The following BABAM2 variants were observed in gnomAD, a reference collection of about 807,000 sequenced individuals.
BABAM2 encodes BRISC and BRCA1 A complex member 2.
In BABAM2, 31 loss-of-function variants were observed where a neutral mutation model predicts 54.7. That is an observed-to-expected ratio of 0.57 (90% CI 0.43 to 0.77). The LOEUF is 0.77. Ranked by LOEUF, BABAM2 falls within the 30% of genes least tolerant of loss-of-function variation. BABAM2 has a pLI of 0.00. For missense variants in BABAM2, 364 were observed against 455.8 expected (o/e 0.80, Z 1.83); for synonymous variants, 167 against 162.9 (o/e 1.03, Z -0.19).
rs189671957 is a variant in BABAM2 at position 27,933,462 on chromosome 2, A to T, written c.205+3554A>T. On this transcript the variant is annotated intron_variant, in intron 3 of 11. Coordinates refer to ENST00000379624, the MANE Select transcript of BABAM2 (RefSeq NM_199191.3). Reference sequence around the variant, plus strand: ...AATTAGAAAGATGAGTTTTTTTTTTAAAAAACACATATATATGTATGTATA... The same window carrying T: ...AATTAGAAAGATGAGTTTTTTTTTTTAAAAACACATATATATGTATGTATA... Among the ~76,000 whole-genome samples, 860 of 151,392 alleles carry T rather than the reference A, an allele frequency of 5.7e-3. 4 individuals carry two copies. The highest frequency in any genetic ancestry group is 7.1e-3 in the South Asian group (34 of 4,802).
chr2:28,026,947 TTAATATATATAA>T (rs1558667966), intron 5 of BABAM2, among the ~76,000 whole-genome samples: 4 of 4,516 alleles, frequency 8.9e-4, no homozygotes, highest in African/African-American at 1.1e-3. Context: ...TAAATATATA[TTAATATATATAA>T]ATATATATAT....
chr2:28,112,151 C>CTTTCTTTTTCTT lies in BABAM2; in HGVS notation c.571-17119_571-17118insTTCTTTTTCTTT, dbSNP rs1261759583. 1.1e-3 allele frequency among the ~76,000 whole-genome samples: 22 copies of CTTTCTTTTTCTT among 19,620 alleles called. 8 individuals are homozygous for CTTTCTTTTTCTT. The highest frequency in any genetic ancestry group is 4.1e-3 in the African/African-American group (18 of 4,420). The allele number at this position is 19,620 out of a possible 152,430, so 12.9% of individuals were successfully genotyped here. On this transcript the variant is annotated intron_variant, in intron 6 of 11. Transcript: ENST00000379624. Reference sequence around the variant, plus strand: ...TTTCTTTCTTTCTTTCTTTCTTTACCTCCCTCCCTCCCTCCCTCCCTCCCT... The same window carrying CTTTCTTTTTCTT: ...TTTCTTTCTTTCTTTCTTTCTTTACCTTTCTTTTTCTTTCCCTCCCTCCCTCCCTCCCTCCCT...
intron 3 of BABAM2, among the ~76,000 whole-genome samples, chr2:27,965,746 G>A (rs1304144370): frequency 6.6e-6 from 1 of 152,094 alleles, no homozygotes; most frequent in Non-Finnish European, 1.5e-5. Flanking sequence ...TACTGATTGT[G>A]TGCACATTGC....
chr2:28,073,801 TAGTA>T (rs1234275845), intron 6 of BABAM2, among the ~76,000 whole-genome samples: 1 of 152,116 alleles, frequency 6.6e-6, no homozygotes, highest in Non-Finnish European at 1.5e-5. Flanking sequence ...TGGTGCTAGA[TAGTA>T]AGATTGTTTT....
chr2:28,078,685 C>T (rs1280897893), intron 6 of BABAM2, among the ~76,000 whole-genome samples: 1 of 152,026 alleles, frequency 6.6e-6, no homozygotes, highest in Non-Finnish European at 1.5e-5. Context: ...GGGGTGAGCA[C>T]ACTGAGGTGT....
intron 5 of BABAM2, among the ~76,000 whole-genome samples, chr2:28,037,315 T>C (rs1056409135): frequency 3.3e-5 from 5 of 152,160 alleles, no homozygotes; most frequent in Non-Finnish European, 7.4e-5. Flanking sequence ...TGGTAACGTA[T>C]ATTATGCACT....
At chr2:28,323,808 T>C (rs1184447876) in intron 11 of BABAM2, among the ~76,000 whole-genome samples, 1 of 152,190 alleles carries the variant, frequency 6.6e-6, no homozygotes, top group Non-Finnish European at 1.5e-5. Context: ...TAGAGAACAT[T>C]TGTGGTCCCT....
rs1674803194 is a variant in BABAM2, at chr2:28,016,230, CACTT to C, written c.301-8995_301-8992del. ...CTCTGTCTTTTTTTGGATGAGCTCT[CACTT>C]GCACTTAACAATTTCCCCCTGTGTT... On this transcript the variant is annotated intron_variant, in intron 4 of 11. Transcript: ENST00000379624. The C allele has an allele frequency of 2.0e-5, 18 of 916,552 alleles. No homozygotes were observed. The East Asian group carries it at 4.8e-4, about 25-fold the overall frequency. 56.8% of individuals were successfully genotyped at this position (916,552 alleles called of 1,614,324 possible). A position where few individuals can be genotyped will look rare whatever the true frequency, so the allele number is the denominator to read the frequency against.
At chr2:28,044,874 G>A (rs1677438352) in intron 5 of BABAM2, among the ~76,000 whole-genome samples, 4 of 151,980 alleles carry the variant, frequency 2.6e-5, no homozygotes, top group Admixed American at 6.6e-5. Flanking sequence ...GAGACAGGAT[G>A]GAAGACCGAG....
intron 7 of BABAM2, among the ~76,000 whole-genome samples, chr2:28,146,016 A>G (rs1050458053): frequency 2.0e-5 from 3 of 152,192 alleles, no homozygotes; most frequent in African/African-American, 7.2e-5. Flanking sequence ...CTTTTTGCCT[A>G]TTGTGAATAA....
At chr2:27,943,847 C>A (rs1285800028) in intron 3 of BABAM2, among the ~76,000 whole-genome samples, 1 of 152,094 alleles carries the variant, frequency 6.6e-6, no homozygotes, top group African/African-American at 2.4e-5. Flanking sequence ...GAATGTTCTA[C>A]AAAATGCTCA....
At chr2:28,287,898 G>A (rs1181965678) in intron 10 of BABAM2, among the ~76,000 whole-genome samples, 1 of 152,162 alleles carries the variant, frequency 6.6e-6, no homozygotes, top group East Asian at 1.9e-4. Flanking sequence ...AGGCAGCCTG[G>A]AACAGAGAAT....
intron 2 of BABAM2, among the ~76,000 whole-genome samples, chr2:27,916,523 C>T (rs367836357): frequency 2.0e-5 from 3 of 152,320 alleles, no homozygotes; most frequent in South Asian, 4.1e-4. Flanking sequence ...TCCAGCTCTA[C>T]CTTGCTCACT....
intron 3 of BABAM2, among the ~76,000 whole-genome samples, chr2:27,956,862 A>C (rs1273491248): frequency 1.3e-5 from 2 of 152,188 alleles, no homozygotes; most frequent in African/African-American, 4.8e-5. Flanking sequence ...ATCAATTCTT[A>C]TTACAGAATG....
chr2:28,237,158 C>A (rs761333525), intron 7 of BABAM2, 44 bp from the exon 8 acceptor site: 6 of 1,552,020 alleles, frequency 3.9e-6, no homozygotes, highest in Non-Finnish European at 5.3e-6. Flanking sequence ...TCTTAAGTTG[C>A]TTGAGCCCTA....
chr2:28,184,561 G>C lies in BABAM2; in HGVS notation c.681-52641G>C, dbSNP rs1184036037. Among the ~76,000 whole-genome samples the C allele has an allele frequency of 2.1e-5, 3 of 145,828 alleles. No individual in the cohort carries two copies. The East Asian group carries it at 6.0e-4, about 29-fold the overall frequency. On this transcript the variant is annotated intron_variant, in intron 7 of 11. Transcript: ENST00000379624. The stretch of plus-strand genomic sequence containing the variant: ...TTCTCATTGTTCAGTTCCCACCTAC[G>C]AGTAAGAACATGCAGTGTTTGGTTT...
At chr2:27,956,878 T>C (rs1056957792) in intron 3 of BABAM2, among the ~76,000 whole-genome samples, 2 of 152,134 alleles carry the variant, frequency 1.3e-5, no homozygotes, top group African/African-American at 4.8e-5. Context: ...GAATGATGAG[T>C]ATAGTACATT....
chr2:28,122,748 G>A (rs540484545), intron 6 of BABAM2, among the ~76,000 whole-genome samples: 1 of 152,228 alleles, frequency 6.6e-6, no homozygotes, highest in African/African-American at 2.4e-5. Flanking sequence ...ATGATAAATT[G>A]TACTTGGTTT....
chr2:28,063,544 A>C (rs1480908513), intron 6 of BABAM2, among the ~76,000 whole-genome samples: 1 of 152,220 alleles, frequency 6.6e-6, no homozygotes, highest in Non-Finnish European at 1.5e-5. Context: ...GGTACTCAGT[A>C]ACCACATTTG....
Sources: gnomAD v4.1 joint callset for allele counts (sites outside exome capture counted in the v4.1 genomes callset) on GRCh38, gnomAD v4.1.1 for gene constraint, MANE v1.5 for transcripts, NCBI Gene and HGNC (gene_info 2026-07-23, HGNC 2026-07-21) for gene names.